The following HIPK3 variants were observed in gnomAD, a reference collection of about 807,000 sequenced individuals.
HIPK3 encodes the protein homeodomain-interacting protein kinase 3.
HIPK3 carries 47 observed loss-of-function variants against 124.2 expected under a neutral mutation model. That is an observed-to-expected ratio of 0.38 (90% CI 0.30 to 0.48). HIPK3 has a LOEUF of 0.48. HIPK3 is among the 20% of genes least tolerant of loss of function. The pLI, the probability that HIPK3 is intolerant of heterozygous loss-of-function variation, is 0.98. For synonymous variants in HIPK3, 482 were observed against 515.2 expected, an observed-to-expected ratio of 0.94 and a Z score of 0.87; for missense variants, 1,286 against 1,454.3, an observed-to-expected ratio of 0.88 and a Z score of 1.88.
At chr11:33,334,327 G>A (rs896272365) in intron 3 of HIPK3, among the ~76,000 whole-genome samples, 24 of 152,060 alleles carry the variant, frequency 1.6e-4, no homozygotes, top group African/African-American at 5.6e-4. Context: ...TCTTGAAGAA[G>A]GAATAGTAGA....
chr11:33,338,559 C>T (rs1853230602), intron 4 of HIPK3, among the ~76,000 whole-genome samples, 198 bp from the exon 5 acceptor site: 1 of 152,138 alleles, frequency 6.6e-6, no homozygotes, highest in Non-Finnish European at 1.5e-5. Context: ...GGGTTTGTTA[C>T]ATTTGTAATA....
At chr11:33,333,516 A>C (rs1853050464) in intron 3 of HIPK3, among the ~76,000 whole-genome samples, 1 of 152,220 alleles carries the variant, frequency 6.6e-6, no homozygotes, top group Non-Finnish European at 1.5e-5. Context: ...TCATGAGGCC[A>C]GTTTAGAATT....
chr11:33,272,979 T>A (rs1851175428), intron 1 of HIPK3, among the ~76,000 whole-genome samples: 1 of 150,966 alleles, frequency 6.6e-6, no homozygotes, highest in Non-Finnish European at 1.5e-5. Context: ...GGACTATAGG[T>A]GTGTGTCACC....
At chr11:33,345,276 C>T (rs1223988798) in intron 8 of HIPK3, among the ~76,000 whole-genome samples, 2 of 152,068 alleles carry the variant, frequency 1.3e-5, no homozygotes, top group Non-Finnish European at 2.9e-5. Flanking sequence ...TATTCATCCC[C>T]TCTAGATGAC....
intron 1 of HIPK3, chr11:33,258,199 G>GGGGCGGCCC: frequency 1.6e-6 from 1 of 636,596 alleles, no homozygotes; most frequent in Non-Finnish European, 2.0e-6. Flanking sequence ...GGGCCCGGGG[G>GGGGCGGCCC]CCTCGGCCCC....
chr11:33,331,042 C>T (rs1194881422), intron 3 of HIPK3, among the ~76,000 whole-genome samples: 1 of 152,100 alleles, frequency 6.6e-6, no homozygotes, highest in East Asian at 1.9e-4. Flanking sequence ...TGCCACCATG[C>T]CTGGCTAATT....
chr11:33,258,018 CAT>C (rs1296938224), intron 1 of HIPK3, 129 bp downstream of exon 1: 3 of 776,970 alleles, frequency 3.9e-6, no homozygotes, highest in Non-Finnish European at 4.7e-6. Flanking sequence ...AGCCCGCACT[CAT>C]TGCGCGTCCC....
intron 1 of HIPK3, among the ~76,000 whole-genome samples, chr11:33,283,809 G>C (rs1303920654): frequency 6.6e-6 from 1 of 151,908 alleles, no homozygotes; most frequent in Non-Finnish European, 1.5e-5. Flanking sequence ...CCAGTGGCTA[G>C]GATTATAGGT....
intron 1 of HIPK3, among the ~76,000 whole-genome samples, chr11:33,279,324 CAAAAAAA>C (rs869091127): frequency 4.9e-4 from 38 of 77,520 alleles, no homozygotes; most frequent in East Asian, 2.0e-3. Flanking sequence ...CTCTTTGTCT[CAAAAAAA>C]AAAAAAAAAA....
Position 33,341,158 on chromosome 11 carries a change from G to A in HIPK3, c.1773+31G>A, listed in dbSNP as rs770057590. On this transcript the variant is annotated intron_variant, in intron 7 of 16. Transcript: ENST00000303296. ...AATGTGTAGTAATTAATAACTTAGG[G>A]TCTTTTTTTAATGATTGCGCATTTT... The A allele has an allele frequency of 2.9e-5, 43 of 1,478,732 alleles. No individual in the cohort carries two copies. The South Asian group carries it at 4.8e-4, about 16-fold the overall frequency. The allele number at this position is 1,478,732 out of a possible 1,614,324, so 91.6% of individuals were successfully genotyped here. A position where few individuals can be genotyped will look rare whatever the true frequency, so the allele number is the denominator to read the frequency against.
intron 2 of HIPK3, among the ~76,000 whole-genome samples, chr11:33,304,571 G>A (rs1431804075): frequency 3.3e-5 from 5 of 150,910 alleles, no homozygotes; most frequent in Non-Finnish European, 7.4e-5. Flanking sequence ...AAAAAAAAAA[G>A]AGGTAATGGA....
intron 1 of HIPK3, among the ~76,000 whole-genome samples, chr11:33,263,605 G>A (rs1442383591): frequency 1.3e-5 from 2 of 152,158 alleles, no homozygotes; most frequent in African/African-American, 2.4e-5. Context: ...AAGCCACCGC[G>A]CCTGGCTGCT....
chr11:33,286,451 T>C lies in HIPK3; in HGVS notation c.37T>C (p.Tyr13His), dbSNP rs1334434368. The part of the protein sequence containing the change: ...SQVLVYPPYV[Y>H]QTQSSAFCSV... ...AGTCTTGGTCTACCCACCATATGTT[T>C]ATCAAACTCAGTCAAGTGCCTTTTG... The change falls in exon 2 of 17, where the codon TAT becomes CAT. Residue 13 changes from tyrosine (Y) to histidine (H), a missense_variant. Around this residue, in one of 3 missense-constraint regions of HIPK3, gnomAD observed 225 missense variants for 240.3 expected, o/e 0.94. Coordinates refer to ENST00000303296, the MANE Select transcript of HIPK3 (RefSeq NM_005734.5). 6.2e-7 allele frequency: 1 copy of C among 1,611,188 alleles called. No homozygotes were observed. Among genetic ancestry groups the C allele is most frequent in the Non-Finnish European group, 8.5e-7 (1 of 1,178,794 alleles).
intron 1 of HIPK3, among the ~76,000 whole-genome samples, chr11:33,259,785 C>G (rs1272500743): frequency 1.5e-5 from 2 of 135,866 alleles, no homozygotes; most frequent in African/African-American, 2.7e-5. Flanking sequence ...CCTTAATCCC[C>G]CCCTCTGCCT....
chr11:33,285,575 AAAAAT>A (rs60451949), intron 1 of HIPK3, among the ~76,000 whole-genome samples: 55,461 of 146,146 alleles, frequency 0.38, 10,570 homozygotes, highest in Middle Eastern at 0.44. Flanking sequence ...CTCAAAAAAA[AAAAAT>A]ATATATATAT....
chr11:33,276,886 G>A (rs1192374938), intron 1 of HIPK3, among the ~76,000 whole-genome samples: 3 of 151,890 alleles, frequency 2.0e-5, no homozygotes, highest in South Asian at 2.1e-4. Context: ...TGTATTTTTA[G>A]TAGAGACGGG....
At chr11:33,335,975 G>A (rs1022271645) in intron 3 of HIPK3, among the ~76,000 whole-genome samples, 1 of 152,096 alleles carries the variant, frequency 6.6e-6, no homozygotes, top group Non-Finnish European at 1.5e-5. Context: ...GGCTCTGGGG[G>A]TATATAAGTA....
intron 2 of HIPK3, among the ~76,000 whole-genome samples, chr11:33,300,059 A>G (rs1354843454): frequency 6.9e-6 from 1 of 144,334 alleles, no homozygotes; most frequent in Non-Finnish European, 1.5e-5. Context: ...GAAAGAAAAG[A>G]GGCCAGGCAC....
At chr11:33,342,977 C>T (rs537578793) in intron 8 of HIPK3, among the ~76,000 whole-genome samples, 2 of 152,276 alleles carry the variant, frequency 1.3e-5, no homozygotes, top group South Asian at 4.2e-4. Context: ...CCTTGCTAAG[C>T]TTTAACATCT....
Sources: gnomAD v4.1 joint callset for allele counts (sites outside exome capture counted in the v4.1 genomes callset) on GRCh38, gnomAD v4.1.1 for gene constraint, gnomAD v4.1.1 regional missense constraint, MANE v1.5 for transcripts, NCBI Gene and HGNC (gene_info 2026-07-23, HGNC 2026-07-21) for gene names.